The following TINAG variants were observed in gnomAD, a reference collection of about 807,000 sequenced individuals.
The protein encoded by TINAG is tubulointerstitial nephritis antigen.
A neutral mutation model predicts 72.7 loss-of-function variants in TINAG; 83 were observed. The ratio of observed to expected loss-of-function variants is 1.14; its 90% CI spans 0.96 to 1.37. The LOEUF is 1.37. Among genes scored for constraint, TINAG ranks in the 40% most tolerant of loss-of-function variants. The pLI is 0.00. For missense variants in TINAG, 685 were observed against 576.6 expected, an observed-to-expected ratio of 1.19 and a Z score of -1.93; for synonymous variants, 234 against 189.9, an observed-to-expected ratio of 1.23 and a Z score of -1.91.
rs916686519 is a variant in TINAG at position 54,381,133 on chromosome 6, T to TAC, written c.1296+568_1296+569dup. On this transcript the variant is annotated intron_variant, in intron 10 of 10. Transcript: ENST00000259782. ...GTATATGTAACCTACAGGATATATA[T>TAC]ACACACATATGTGTATATATATCCT... 9.3e-5 allele frequency among the ~76,000 whole-genome samples: 14 copies of TAC among 149,994 alleles called. 1 individual carries two copies. The highest frequency in any genetic ancestry group is 3.4e-4 in the African/African-American group (14 of 41,090).
chr6:54,308,178 T>C (rs529970525), upstream of TINAG: 1,024 of 1,484,696 alleles, frequency 6.9e-4, 1 homozygote, highest in African/African-American at 8.3e-3. Flanking sequence ...ATCTGGGCCA[T>C]GTATATTCTA....
chr6:54,389,211 G>A (rs59533704), intron 10 of TINAG, among the ~76,000 whole-genome samples: 31 of 151,968 alleles, frequency 2.0e-4, no homozygotes, highest in East Asian at 1.2e-3. Context: ...TTTCCTTTAC[G>A]TCAATCTCCC....
intron 4 of TINAG, among the ~76,000 whole-genome samples, chr6:54,333,626 A>AAAATAAAATAAAAAAAAAT (rs1562156840): frequency 6.6e-6 from 1 of 150,442 alleles, no homozygotes; most frequent in Non-Finnish European, 1.5e-5. Flanking sequence ...TAAAAAAAAA[A>AAAATAAAATAAAAAAAAAT]AAAATAAAAT....
intron 4 of TINAG, among the ~76,000 whole-genome samples, chr6:54,338,487 C>T (rs111897139): frequency 0.081 from 12,247 of 151,726 alleles, 886 homozygotes; most frequent in East Asian, 0.29. Flanking sequence ...TTTGGGAGGC[C>T]GAGGTGGGCG....
intron 4 of TINAG, among the ~76,000 whole-genome samples, chr6:54,331,149 G>A (rs992631383): frequency 6.6e-6 from 1 of 151,830 alleles, no homozygotes; most frequent in Non-Finnish European, 1.5e-5. Context: ...GCAGAGACAC[G>A]ACAAAAAACA....
At chr6:54,352,229 G>C (rs1180818705) in intron 8 of TINAG, among the ~76,000 whole-genome samples, 1 of 151,690 alleles carries the variant, frequency 6.6e-6, no homozygotes, top group Non-Finnish European at 1.5e-5. Context: ...TAAAACATTT[G>C]GTACACACTT....
At chr6:54,321,421 C>T in intron 3 of TINAG, 35 bp downstream of exon 3, 1 of 1,405,212 alleles carries the variant, frequency 7.1e-7, no homozygotes, top group Non-Finnish European at 1.0e-6. Flanking sequence ...TTTCTTGACA[C>T]TGCCATTTAC....
intron 9 of TINAG, among the ~76,000 whole-genome samples, chr6:54,369,740 C>G (rs1763547941): frequency 6.6e-6 from 1 of 151,892 alleles, no homozygotes; most frequent in Non-Finnish European, 1.5e-5. Context: ...ATAAAGCCAA[C>G]TCATCAATCC....
At chr6:54,364,722 C>A (rs1006577606) in intron 9 of TINAG, among the ~76,000 whole-genome samples, 1 of 151,140 alleles carries the variant, frequency 6.6e-6, no homozygotes, top group African/African-American at 2.4e-5. Context: ...TTTTAGGTAC[C>A]TCAATAAGTT....
intron 9 of TINAG, among the ~76,000 whole-genome samples, chr6:54,372,264 T>A (rs1486744607): frequency 6.6e-6 from 1 of 152,038 alleles, no homozygotes; most frequent in Non-Finnish European, 1.5e-5. Flanking sequence ...AGTGCTGGGA[T>A]TACAGGTGTG....
intron 10 of TINAG, among the ~76,000 whole-genome samples, chr6:54,387,957 C>T (rs1764144883): frequency 6.6e-6 from 1 of 152,048 alleles, no homozygotes; most frequent in African/African-American, 2.4e-5. Context: ...TGTGGCCTTT[C>T]TTGCAAACAT....
chr6:54,364,500 A>G (rs1352903201), intron 9 of TINAG, among the ~76,000 whole-genome samples: 3 of 151,492 alleles, frequency 2.0e-5, no homozygotes, highest in African/African-American at 7.3e-5. Flanking sequence ...TTAATAATTC[A>G]AATATATTAA....
chr6:54,367,617 C>A (rs184048184), intron 9 of TINAG, among the ~76,000 whole-genome samples: 1 of 151,628 alleles, frequency 6.6e-6, no homozygotes, highest in East Asian at 1.9e-4. Flanking sequence ...TAAAGGCGAA[C>A]GTGTTAATTA....
At chr6:54,359,502 T>C (rs1033984444) in intron 9 of TINAG, among the ~76,000 whole-genome samples, 7 of 151,866 alleles carry the variant, frequency 4.6e-5, no homozygotes, top group Admixed American at 4.6e-4. Context: ...TCATGTTTTC[T>C]TTTCTCTAAT....
In TINAG at chr6:54,337,070, T is replaced by A. The variant is rs933513350; in HGVS notation, c.625-6156T>A. Among the ~76,000 whole-genome samples, 15 of 151,998 alleles carry A rather than the reference T, an allele frequency of 9.9e-5. No homozygotes were observed. In the South Asian group the frequency reaches 1.9e-3, roughly 19 times the overall value. ...GATTTTTGAGGTGAGAAATGGAAAA[T>A]TTTTTTAATCATCTGGATACTTTAT... is the stretch of plus-strand genomic sequence containing the variant. On this transcript the variant is annotated intron_variant, in intron 4 of 10. Transcript: ENST00000259782.
At chr6:54,330,149 C>A (rs989368624) in intron 4 of TINAG, among the ~76,000 whole-genome samples, 1 of 152,238 alleles carries the variant, frequency 6.6e-6, no homozygotes, top group African/African-American at 2.4e-5. Flanking sequence ...ACTCTCCACC[C>A]CAAATCAACA....
chr6:54,329,442 C>T (rs940046746), intron 4 of TINAG, among the ~76,000 whole-genome samples: 1 of 152,086 alleles, frequency 6.6e-6, no homozygotes, highest in African/African-American at 2.4e-5. Context: ...TTAGTCACCA[C>T]CAGGCTTGCC....
At chr6:54,359,977 TAGA>T (rs1763172038) in intron 9 of TINAG, among the ~76,000 whole-genome samples, 1 of 151,820 alleles carries the variant, frequency 6.6e-6, no homozygotes, top group Non-Finnish European at 1.5e-5. Flanking sequence ...GCGCTTTTTG[TAGA>T]AGGTGAAACT....
chr6:54,337,000 A>C lies in TINAG; in HGVS notation c.625-6226A>C, dbSNP rs560856441. Among the ~76,000 whole-genome samples the C allele has an allele frequency of 7.2e-5, 11 of 152,190 alleles. No individual in the cohort carries two copies. The East Asian group carries it at 1.9e-3, about 27-fold the overall frequency. ...ATAGTATGTTGGAAGTTAAAGTAAA[A>C]TAATACTTTATTTATTTTATAATAA... On this transcript the variant is annotated intron_variant, in intron 4 of 10. Transcript: ENST00000259782.
Sources: allele counts gnomAD v4.1 joint callset (sites outside exome capture counted in the v4.1 genomes callset), GRCh38; gene constraint gnomAD v4.1.1; transcripts MANE v1.5; gene names NCBI Gene and HGNC (gene_info 2026-07-23, HGNC 2026-07-21).